Variants in IL1B observed in about 807,000 individuals in gnomAD.
IL1B encodes the protein interleukin 1 beta.
A neutral mutation model predicts 26.2 loss-of-function variants in IL1B; 11 were observed. That is an observed-to-expected ratio of 0.42 (90% CI 0.26 to 0.70). The LOEUF (loss-of-function observed/expected upper bound fraction) is 0.70, where lower values mean the gene tolerates loss of function less well. Ranked by LOEUF, IL1B falls within the 30% of genes least tolerant of loss-of-function variation. The pLI is 0.25. For synonymous variants in IL1B, 118 were observed against 120.8 expected (o/e 0.98, Z 0.15); for missense variants, 255 against 327.5 (o/e 0.78, Z 1.71).
chr2:112,831,013 G>A (rs1681976233), intron 6 of IL1B: 1 of 447,714 alleles, frequency 2.2e-6, no homozygotes, highest in Non-Finnish European at 4.1e-6. Context: ...ATTTCCCAAG[G>A]TGTCTATCAA....
Position 112,830,378 on chromosome 2 carries a change from G to A in IL1B, c.793C>T (p.Gln265Ter). The A allele has an allele frequency of 6.2e-7, 1 of 1,613,994 alleles. No individual in the cohort carries two copies. The stretch of plus-strand genomic sequence containing the variant: ...AGCTCTCTTTAGGAAGACACAAATT[G>A]CATGGTGAAGTCAGTTATATCCTGG... Reference protein sequence around the residue: ...GGQDITDFTMQFVSS With the variant: ...GGQDITDFTM The change falls in exon 7 of 7, where the codon CAA (glutamine) becomes TAA (stop). Residue 265 changes from glutamine (Q) to a stop codon, truncating the protein, a stop_gained. Transcript: ENST00000263341. LOFTEE classifies it high-confidence loss of function.
rs879633470 is a variant in IL1B, at chr2:112,830,801, AT to A, written c.598-229del. Among the ~76,000 whole-genome samples, 117 of 146,254 alleles carry A rather than the reference AT, an allele frequency of 8.0e-4. 1 individual carries two copies. The highest frequency in any genetic ancestry group is 1.4e-3 in the East Asian group (7 of 5,022). ...GCTGAGGAGCATAATGTAGGTGAGA[AT>A]TTTTTTTTTTTGGGGGGGTGAAAAT... On this transcript the variant is annotated intron_variant, in intron 6 of 6. Coordinates refer to ENST00000263341, the MANE Select transcript of IL1B (RefSeq NM_000576.3).
intron 3 of IL1B, among the ~76,000 whole-genome samples, chr2:112,834,444 T>C (rs554156257): frequency 3.2e-4 from 48 of 152,254 alleles, no homozygotes; most frequent in Non-Finnish European, 5.7e-4. Context: ...TTTCCTCTTA[T>C]TCAGAGAAGC....
intron 3 of IL1B, 58 bp downstream of exon 3, chr2:112,835,508 T>G: frequency 6.0e-4 from 847 of 1,402,292 alleles, no homozygotes; most frequent in Non-Finnish European, 8.0e-4. Context: ...CTCCCTTCTT[T>G]GAGCTTTCCC....
rs755758115 is a variant in IL1B, at chr2:112,833,572, A to C, written c.103T>G (p.Ser35Ala). The C allele has an allele frequency of 6.2e-7, 1 of 1,613,756 alleles. No homozygotes were observed. Among genetic ancestry groups the C allele is most frequent in the Non-Finnish European group, 8.5e-7 (1 of 1,180,008 alleles). The change falls in exon 4 of 7, where the codon TCC (serine) becomes GCC (alanine). Residue 35 changes from serine (S) to alanine (A), a missense_variant. Physicochemically the swap from Ser to Ala is moderately conservative, Grantham distance 99. Transcript: ENST00000263341. ...EADGPKQMKC[S>A]FQDLDLCPLD... ...GGGCAGAGGTCCAGGTCCTGGAAGG[A>C]GCACTGCGGAGAGAGCGAGGGAGGG...
In IL1B at chr2:112,833,515, CG is replaced by C; in HGVS notation, c.159del (p.Asp54ThrfsTer21). 6.2e-7 allele frequency: 1 copy of C among 1,614,104 alleles called. No homozygotes were observed. Among genetic ancestry groups the C allele is most frequent in the Non-Finnish European group, 8.5e-7 (1 of 1,180,036 alleles). ...PLDGGIQLRI[S>X]DHHYSKGFRQ... ...CTGAAGCCCTTGCTGTAGTGGTGGT[CG>C]GAGATTCGTAGCTGGATGCCGCCAT... On this transcript the variant is annotated frameshift_variant, in exon 4 of 7. Coordinates refer to ENST00000263341, the MANE Select transcript of IL1B (RefSeq NM_000576.3). LOFTEE classifies it high-confidence loss of function.
intron 4 of IL1B, 189 bp downstream of exon 4, chr2:112,833,185 A>G: frequency 1.5e-6 from 1 of 663,604 alleles, no homozygotes. Context: ...AGTAGCCATC[A>G]AGATCTTCTT....
intron 2 of IL1B, 60 bp downstream of exon 2, chr2:112,836,123 A>G (rs1324733530): frequency 6.6e-7 from 1 of 1,524,806 alleles, no homozygotes. Context: ...AGCACAGATA[A>G]CACTCTACTC....
rs1143638 is a variant in IL1B at position 112,831,217 on chromosome 2, G to A, written c.597+75C>T. On this transcript the variant is annotated intron_variant, in intron 6 of 6. Coordinates refer to ENST00000263341, the MANE Select transcript of IL1B (RefSeq NM_000576.3). The stretch of plus-strand genomic sequence containing the variant: ...CCCAGCTTTTCCTAGGGATGGGGGC[G>A]GGGAGAAGGTGGTTGTCTGGGAATA... The A allele has an allele frequency of 1.4e-3, 2,138 of 1,550,898 alleles. 29 individuals carry two copies. In the African/African-American group the frequency reaches 0.026, roughly 19 times the overall value.
rs1681958108 is a variant in IL1B, at chr2:112,830,460, G to A, written c.711C>T (p.Tyr237=). ...TGTTTTCTGCTTGAGAGGTGCTGAT[G>A]TACCAGTTGGGGAACTGGGCAGACT... ...EFESAQFPNW[Y]ISTSQAENMP... The change falls in exon 7 of 7, where the codon TAC becomes TAT. Residue 237 remains tyrosine (Y), a synonymous_variant. Coordinates refer to ENST00000263341, the MANE Select transcript of IL1B (RefSeq NM_000576.3). 3 of 1,613,786 alleles carry A rather than the reference G, an allele frequency of 1.9e-6. No individual in the cohort carries two copies. The highest frequency in any genetic ancestry group is 2.2e-5 in the East Asian group (1 of 44,870).
At chr2:112,831,662 C>T (rs767510489) in intron 5 of IL1B, among the ~76,000 whole-genome samples, 11 of 151,948 alleles carry the variant, frequency 7.2e-5, no homozygotes, top group Admixed American at 2.6e-4. Flanking sequence ...GCAGTAGGAA[C>T]GGAGAATGAA....
At chr2:112,836,093 G>T in intron 2 of IL1B, 90 bp downstream of exon 2, 1 of 1,258,190 alleles carries the variant, frequency 7.9e-7, no homozygotes, top group Non-Finnish European at 1.2e-6. Context: ...AGGCAATTTA[G>T]GGGAAAAATC....
intron 5 of IL1B, among the ~76,000 whole-genome samples, 167 bp downstream of exon 5, chr2:112,832,495 A>G (rs1191435075): frequency 6.6e-6 from 1 of 152,242 alleles, no homozygotes; most frequent in Non-Finnish European, 1.5e-5. Flanking sequence ...TGGCCAGTGC[A>G]ATCAAATGTG....
In IL1B at chr2:112,830,076, T is replaced by C. The variant is rs1044243275; in HGVS notation, c.*285A>G. On this transcript the variant is annotated 3_prime_UTR_variant, in exon 7 of 7. Transcript: ENST00000263341. ...TGACAGAGGGTTTCTTAGAACCAAA[T>C]GTGGCCGTGGTTTCTGTCAGGCGGG... 18 of 368,850 alleles carry C rather than the reference T, an allele frequency of 4.9e-5. No individual in the cohort carries two copies. The highest frequency in any genetic ancestry group is 6.1e-5 in the African/African-American group (3 of 49,130). 22.8% of individuals were successfully genotyped at this position (368,850 alleles called of 1,614,324 possible).
At position 112,832,829 on chromosome 2, in the gene IL1B, G is replaced by A. The variant is rs756523632; in HGVS notation, c.302-3C>T. 1.9e-6 allele frequency: 3 copies of A among 1,614,162 alleles called. No homozygotes were observed. The Admixed American group carries it at 5.0e-5, about 27-fold the overall frequency. On this transcript the variant is annotated splice_polypyrimidine_tract_variant and splice_region_variant and intron_variant, in intron 4 of 6. Coordinates refer to ENST00000263341, the MANE Select transcript of IL1B (RefSeq NM_000576.3). ...CCATGTGTCGAAGAAGATAGGTTCT[G>A]AAATGTGGAGCACATGTTGTTTAGG...
chr2:112,836,386 G>C (rs1312439528), intron 1 of IL1B, 142 bp from the exon 2 acceptor site: 2 of 685,774 alleles, frequency 2.9e-6, no homozygotes, highest in African/African-American at 1.8e-5. Flanking sequence ...AAGTCCTTTG[G>C]GTCTAGAGAA....
At position 112,832,843 on chromosome 2, in the gene IL1B, ATGT is replaced by A; in HGVS notation, c.302-20_302-18del. ...AGATAGGTTCTGAAATGTGGAGCAC[ATGT>A]TGTTTAGGTATAAAATCAGAAGGGC... is the stretch of plus-strand genomic sequence containing the variant. On this transcript the variant is annotated intron_variant, in intron 4 of 6. Transcript: ENST00000263341. The A allele has an allele frequency of 6.2e-7, 1 of 1,614,098 alleles. No homozygotes were observed. Among genetic ancestry groups the A allele is most frequent in the Non-Finnish European group, 8.5e-7 (1 of 1,179,942 alleles).
intron 3 of IL1B, among the ~76,000 whole-genome samples, chr2:112,834,125 A>G (rs189235692): frequency 3.1e-3 from 473 of 152,358 alleles, no homozygotes; most frequent in Non-Finnish European, 4.5e-3. Context: ...TCAAGACTAG[A>G]ATGTGGGCTT....
At chr2:112,835,656 T>C in intron 2 of IL1B, 39 bp from the exon 3 acceptor site, 1 of 1,545,302 alleles carries the variant, frequency 6.5e-7, no homozygotes, top group Non-Finnish European at 9.0e-7. Context: ...TTATGTCTTC[T>C]AAACAGGTTT....
Sources: allele counts gnomAD v4.1 joint callset (sites outside exome capture counted in the v4.1 genomes callset), GRCh38; gene constraint gnomAD v4.1.1; transcripts MANE v1.5; gene names NCBI Gene and HGNC (gene_info 2026-07-23, HGNC 2026-07-21).